PTPRM: variants seen among roughly 807,000 people sequenced by gnomAD.
PTPRM encodes protein tyrosine phosphatase receptor type M.
PTPRM carries 47 observed loss-of-function variants against 186.7 expected under a neutral mutation model. The ratio of observed to expected loss-of-function variants is 0.25; its 90% CI spans 0.20 to 0.32. The LOEUF (loss-of-function observed/expected upper bound fraction) is 0.32. Among genes scored for constraint, PTPRM ranks in the 10% least tolerant of loss-of-function variants. The pLI is 1.00. For missense variants in PTPRM, 1,494 were observed against 1,865.0 expected (o/e 0.80, Z 3.66); for synonymous variants, 668 against 674.9 (o/e 0.99, Z 0.16).
intron 13 of PTPRM, among the ~76,000 whole-genome samples, chr18:8,133,493 C>G (rs1238073949): frequency 6.6e-6 from 1 of 152,096 alleles, no homozygotes; most frequent in Non-Finnish European, 1.5e-5. Context: ...AAGTTCTGTG[C>G]AAGAGGGGAC....
chr18:7,911,386 A>G (rs532095386), intron 4 of PTPRM, among the ~76,000 whole-genome samples: 2 of 152,288 alleles, frequency 1.3e-5, no homozygotes, highest in South Asian at 4.1e-4. Flanking sequence ...CAATTTCTTC[A>G]TATTCTTGCA....
At chr18:7,797,664 A>G (rs917734569) in intron 2 of PTPRM, among the ~76,000 whole-genome samples, 1 of 151,822 alleles carries the variant, frequency 6.6e-6, no homozygotes, top group African/African-American at 2.4e-5. Flanking sequence ...CTGGCCTTCA[A>G]ATGTGGGAAA....
chr18:8,193,982 G>A (rs545063493), intron 14 of PTPRM, among the ~76,000 whole-genome samples: 1 of 152,320 alleles, frequency 6.6e-6, no homozygotes, highest in East Asian at 1.9e-4. Context: ...GATTTGGGTT[G>A]ACATTGACTG....
At chr18:7,683,365 G>T (rs1471958970) in intron 1 of PTPRM, among the ~76,000 whole-genome samples, 2 of 152,010 alleles carry the variant, frequency 1.3e-5, no homozygotes. Flanking sequence ...TAGAGACAGG[G>T]CCTTGCTTTG....
intron 25 of PTPRM, 117 bp downstream of exon 25, chr18:8,376,317 T>C: frequency 1.3e-6 from 2 of 1,529,278 alleles, no homozygotes; most frequent in East Asian, 2.3e-5. Context: ...GCACAACATT[T>C]TGGGAGCACT....
rs2039946416 is a variant in PTPRM at position 7,700,926 on chromosome 18, G to A, written c.74-73223G>A. ...CAGGAGACGGAGGTTGCAGTGAGCT[G>A]AGATCGCACCACTGCACTCCAGCCT... On this transcript the variant is annotated intron_variant, in intron 1 of 32. Coordinates refer to ENST00000580170, the MANE Select transcript of PTPRM (RefSeq NM_001105244.2). Among the ~76,000 whole-genome samples the A allele has an allele frequency of 2.9e-5, 4 of 139,122 alleles. No homozygotes were observed. The Admixed American group carries it at 3.2e-4, about 11-fold the overall frequency. The allele number at this position is 139,122 out of a possible 152,430, so 91.3% of individuals were successfully genotyped here.
chr18:8,274,517 C>G (rs373277872), intron 19 of PTPRM, among the ~76,000 whole-genome samples: 3 of 152,272 alleles, frequency 2.0e-5, no homozygotes, highest in Admixed American at 2.0e-4. Flanking sequence ...TAGTGGCTGT[C>G]ATGATTCTTC....
chr18:7,991,409 A>C (rs1044745769), intron 7 of PTPRM, among the ~76,000 whole-genome samples: 2 of 152,124 alleles, frequency 1.3e-5, no homozygotes, highest in African/African-American at 4.8e-5. Flanking sequence ...GAGAGAAGGA[A>C]AGCTAAAAGA....
chr18:7,954,905 T>C (rs929498353), intron 6 of PTPRM, among the ~76,000 whole-genome samples: 3 of 152,238 alleles, frequency 2.0e-5, no homozygotes, highest in African/African-American at 7.2e-5. Context: ...CCTACTTGAA[T>C]AAGCTTATGT....
At chr18:8,314,878 A>T in intron 21 of PTPRM, 21 bp downstream of exon 21, 2 of 1,458,812 alleles carry the variant, frequency 1.4e-6, no homozygotes, top group Non-Finnish European at 1.9e-6. Context: ...TATTATTTTT[A>T]ATTGATATAT....
rs1292998334 is a variant in PTPRM, at chr18:8,171,604, T to C, written c.2300+27825T>C. The stretch of plus-strand genomic sequence containing the variant: ...TTTCTATGTCCATGTCCTGTGTTCA[T>C]TTAAAATGGGAGGCTGGGTCTAGGA... On this transcript the variant is annotated intron_variant, in intron 14 of 32. Transcript: ENST00000580170. Among the ~76,000 whole-genome samples the C allele has an allele frequency of 2.6e-5, 4 of 152,290 alleles. No individual in the cohort carries two copies. The East Asian group carries it at 7.7e-4, about 29-fold the overall frequency.
chr18:8,032,738 A>C (rs1432033645), intron 7 of PTPRM, among the ~76,000 whole-genome samples: 1 of 152,146 alleles, frequency 6.6e-6, no homozygotes, highest in African/African-American at 2.4e-5. Context: ...TAGGATAAAA[A>C]TAGAAAATAC....
intron 13 of PTPRM, among the ~76,000 whole-genome samples, chr18:8,134,729 T>C (rs2092597781): frequency 6.6e-6 from 1 of 152,192 alleles, no homozygotes; most frequent in South Asian, 2.1e-4. Context: ...CCTTTTTCAT[T>C]CTTTCCTTTT....
chr18:7,859,201 A>G (rs117241983), intron 2 of PTPRM, among the ~76,000 whole-genome samples: 2,274 of 152,312 alleles, frequency 0.015, 30 homozygotes, highest in Middle Eastern at 0.12. Flanking sequence ...ACATATATGT[A>G]TAGATATATA....
Position 8,008,016 on chromosome 18 carries a change from C to T in PTPRM, c.1132+52602C>T, listed in dbSNP as rs568702563. Among the ~76,000 whole-genome samples, 143 of 152,206 alleles carry T rather than the reference C, an allele frequency of 9.4e-4. 1 individual carries two copies. Among genetic ancestry groups the T allele is most frequent in the Admixed American group, 3.0e-3 (46 of 15,292 alleles). ...TTTTAAAGTGACAGCACATCTTTGC[C>T]TATTTTTTAGGGTACATTGAAGACC... On this transcript the variant is annotated intron_variant, in intron 7 of 32. Transcript: ENST00000580170.
At chr18:8,322,740 A>G (rs2095353498) in intron 22 of PTPRM, among the ~76,000 whole-genome samples, 1 of 152,206 alleles carries the variant, frequency 6.6e-6, no homozygotes, top group Non-Finnish European at 1.5e-5. Context: ...GAAGCCACAC[A>G]CATAAGAACC....
chr18:8,174,398 T>C (rs1367125364), intron 14 of PTPRM, among the ~76,000 whole-genome samples: 1 of 152,228 alleles, frequency 6.6e-6, no homozygotes, highest in Non-Finnish European at 1.5e-5. Flanking sequence ...TTCACTGTCA[T>C]AGTTTCCTCA....
intron 15 of PTPRM, among the ~76,000 whole-genome samples, chr18:8,247,196 AT>A (rs1253761128): frequency 6.6e-6 from 1 of 152,210 alleles, no homozygotes; most frequent in Non-Finnish European, 1.5e-5. Context: ...GGAAATACCC[AT>A]TTTTAATGAA....
Position 7,755,234 on chromosome 18 carries a change from GA to G in PTPRM, c.74-18902del, listed in dbSNP as rs879917910. The G allele has an allele frequency of 4.9e-3, 688 of 140,458 alleles. 5 individuals carry two copies. Among genetic ancestry groups the G allele is most frequent in the African/African-American group, 9.7e-3 (374 of 38,550 alleles). 8.7% of individuals were successfully genotyped at this position (140,458 alleles called of 1,614,324 possible). On this transcript the variant is annotated intron_variant, in intron 1 of 32. Transcript: ENST00000580170. ...AACACAGACAAACCAGAGACTGCCT[GA>G]AAAAAAAAAAAAGATGAACTGGAAA...
Sources: allele counts gnomAD v4.1 joint callset (sites outside exome capture counted in the v4.1 genomes callset), GRCh38; gene constraint gnomAD v4.1.1; transcripts MANE v1.5; gene names NCBI Gene and HGNC (gene_info 2026-07-23, HGNC 2026-07-21).